The following SPATA21 variants were observed in gnomAD, a reference collection of about 807,000 sequenced individuals.
SPATA21 encodes the protein spermatogenesis-associated protein 21.
SPATA21 carries 47 observed loss-of-function variants against 54.8 expected under a neutral mutation model. The ratio of observed to expected loss-of-function variants is 0.86; its 90% CI spans 0.68 to 1.09. The LOEUF is 1.09. Ranked by LOEUF, SPATA21 falls within the 50% of genes least tolerant of loss-of-function variation. The pLI, the probability that SPATA21 is intolerant of heterozygous loss-of-function variation, is 0.00. For synonymous variants in SPATA21, 245 were observed against 235.3 expected (o/e 1.04, Z -0.38); for missense variants, 599 against 596.4 (o/e 1.00, Z -0.05).
Position 16,414,893 on chromosome 1 carries a change from C to CAAAAAAAAAA in SPATA21, c.145-4860_145-4851dup, listed in dbSNP as rs528947922. 5.9e-4 allele frequency among the ~76,000 whole-genome samples: 44 copies of CAAAAAAAAAA among 74,304 alleles called. 1 individual carries two copies. Among genetic ancestry groups the CAAAAAAAAAA allele is most frequent in the African/African-American group, 1.0e-3 (18 of 17,744 alleles). The allele number at this position is 74,304 out of a possible 152,430, so 48.7% of individuals were successfully genotyped here. A position where few individuals can be genotyped will look rare whatever the true frequency, so the allele number is the denominator to read the frequency against. On this transcript the variant is annotated intron_variant, in intron 5 of 12. Coordinates refer to ENST00000335496, the MANE Select transcript of SPATA21 (RefSeq NM_198546.1). ...GGGCAACAAGAGCGAAACCTCATCT[C>CAAAAAAAAAA]AAAAAAAAAAAAAAAAAAAGATTCT...
intron 10 of SPATA21, among the ~76,000 whole-genome samples, chr1:16,403,277 G>C (rs1185153482): frequency 2.6e-5 from 4 of 152,090 alleles, no homozygotes; most frequent in African/African-American, 9.7e-5. Context: ...GAGGGTGTAA[G>C]CATGGGGCCG....
intron 10 of SPATA21, among the ~76,000 whole-genome samples, chr1:16,403,147 C>T (rs2085506423): frequency 6.6e-6 from 1 of 152,172 alleles, no homozygotes; most frequent in African/African-American, 2.4e-5. Context: ...CCTACCCACC[C>T]ACCTGCCCTG....
intron 7 of SPATA21, chr1:16,408,456 A>G (rs1231552861): frequency 1.6e-5 from 16 of 985,394 alleles, no homozygotes; most frequent in Non-Finnish European, 1.9e-5. Context: ...GAGGACCAAT[A>G]GAGCAGGCTT....
At position 16,400,024 on chromosome 1, in the gene SPATA21, T is replaced by G. The variant is rs114631134; in HGVS notation, c.1175-503A>C. Among the ~76,000 whole-genome samples the G allele has an allele frequency of 7.6e-3, 1,161 of 151,804 alleles. 17 individuals are homozygous for G. The highest frequency in any genetic ancestry group is 0.027 in the African/African-American group (1,117 of 41,228). On this transcript the variant is annotated intron_variant, in intron 11 of 12. Coordinates refer to ENST00000335496, the MANE Select transcript of SPATA21 (RefSeq NM_198546.1). ...GGCAAATTGCTGAACTTTATCAGTT[T>G]CATTTTTGTTTTTTTTTTTGAGACA...
At chr1:16,408,560 G>A (rs1020792466) in intron 7 of SPATA21, 77 of 983,992 alleles carry the variant, frequency 7.8e-5, no homozygotes, top group African/African-American at 1.0e-4. Flanking sequence ...CAGGGAGAGC[G>A]CTGGACTTCG....
chr1:16,425,441 G>C (rs750514285), intron 3 of SPATA21: 8 of 1,392,156 alleles, frequency 5.7e-6, no homozygotes, highest in African/African-American at 1.4e-5. Flanking sequence ...GCACCAGAAT[G>C]GGGGGCATGA....
chr1:16,405,200 A>G, intron 7 of SPATA21, 96 bp from the exon 8 acceptor site: 2 of 1,500,876 alleles, frequency 1.3e-6, no homozygotes, highest in East Asian at 2.5e-5. Context: ...CTCCTCCACC[A>G]TCAAAAGTGA....
intron 5 of SPATA21, among the ~76,000 whole-genome samples, chr1:16,415,875 T>G (rs1289046219): frequency 6.6e-6 from 1 of 152,136 alleles, no homozygotes; most frequent in African/African-American, 2.4e-5. Flanking sequence ...TCCTATTATT[T>G]CAGGATCCAG....
chr1:16,427,521 C>CT (rs1275334533), intron 3 of SPATA21, among the ~76,000 whole-genome samples: 1 of 151,944 alleles, frequency 6.6e-6, no homozygotes, highest in Non-Finnish European at 1.5e-5. Flanking sequence ...GTCTCCTAAC[C>CT]TTTTTTTGTT....
rs529891290 is a variant in SPATA21 at position 16,415,199 on chromosome 1, T to C, written c.145-5156A>G. On this transcript the variant is annotated intron_variant, in intron 5 of 12. Transcript: ENST00000335496. ...AGAAAATACAAAAATTAGCCAGGCA[T>C]GATGGCTCGCGCCTGTACTATCAGC... Among the ~76,000 whole-genome samples the C allele has an allele frequency of 2.4e-4, 37 of 152,258 alleles. No homozygotes were observed. The East Asian group carries it at 7.0e-3, about 29-fold the overall frequency.
At position 16,403,805 on chromosome 1, in the gene SPATA21, T is replaced by TG; in HGVS notation, c.922dup (p.His308ProfsTer6). 3.1e-6 allele frequency: 5 copies of TG among 1,611,070 alleles called. No individual in the cohort carries two copies. Among genetic ancestry groups the TG allele is most frequent in the Non-Finnish European group, 4.2e-6 (5 of 1,178,654 alleles). ...GGACAGGATCTCAAAGAGTAGAGTG[T>TG]GGGGGTTGTGGGGAGCCATGTCCGA... On this transcript the variant is annotated frameshift_variant, in exon 10 of 13. Coordinates refer to ENST00000335496, the MANE Select transcript of SPATA21 (RefSeq NM_198546.1). LOFTEE classifies it high-confidence loss of function.
chr1:16,415,949 A>G (rs1163859651), intron 5 of SPATA21, among the ~76,000 whole-genome samples: 1 of 152,054 alleles, frequency 6.6e-6, no homozygotes, highest in Non-Finnish European at 1.5e-5. Flanking sequence ...AGGCCCTGAC[A>G]TCTTTCCCTC....
chr1:16,421,689 G>T lies in SPATA21; in HGVS notation c.96-132C>A. 4 of 1,120,500 alleles carry T rather than the reference G, an allele frequency of 3.6e-6. No homozygotes were observed. The highest frequency in any genetic ancestry group is 5.1e-6 in the Non-Finnish European group (4 of 777,900). 69.4% of individuals were successfully genotyped at this position (1,120,500 alleles called of 1,614,324 possible). ...CCCCTTGGCCTTCTCATCTCAGGGG[G>T]CTCCTTATGTCCCCACATCCTCATA... On this transcript the variant is annotated intron_variant, in intron 4 of 12. Transcript: ENST00000335496. The surrounding 1 kb of genome is among the most constrained non-coding windows in gnomAD (Gnocchi z 5.2).
rs1158096486 is a variant in SPATA21 at position 16,410,021 on chromosome 1, C to T, written c.167G>A (p.Arg56Lys). ...CTGCTGCGCACGGTCTGGCTCCCGCCTCTCTCCAATGTCCCTCACCTCCTG... is the reference window on the plus strand; with the variant it reads ...CTGCTGCGCACGGTCTGGCTCCCGCTTCTCTCCAATGTCCCTCACCTCCTG... ...PPPEVRDIGERREPDRAQQQP... is the reference protein window; with the variant it reads ...PPPEVRDIGEKREPDRAQQQP... Residue 56 changes from arginine (R) to lysine (K), a missense_variant, in exon 6 of 13, where the codon AGG becomes AAG. Arg to Lys is a conservative substitution (Grantham distance 26). Coordinates refer to ENST00000335496, the MANE Select transcript of SPATA21 (RefSeq NM_198546.1). 1 of 1,574,188 alleles carries T rather than the reference C, an allele frequency of 6.4e-7. No individual in the cohort carries two copies. Among genetic ancestry groups the T allele is most frequent in the East Asian group, 2.2e-5 (1 of 44,712 alleles).
At chr1:16,402,819 G>A (rs1047766097) in intron 10 of SPATA21, among the ~76,000 whole-genome samples, 1 of 152,162 alleles carries the variant, frequency 6.6e-6, no homozygotes, top group Non-Finnish European at 1.5e-5. Flanking sequence ...CCAGCTACTC[G>A]GGAAACTGAG....
At chr1:16,417,144 G>T (rs1304473805) in intron 5 of SPATA21, among the ~76,000 whole-genome samples, 1 of 152,184 alleles carries the variant, frequency 6.6e-6, no homozygotes, top group African/African-American at 2.4e-5. Context: ...TATCCAATAT[G>T]CTTGTCCCAC....
chr1:16,404,917 A>T (rs1345592313), intron 8 of SPATA21, 50 bp downstream of exon 8: 24 of 1,510,364 alleles, frequency 1.6e-5, no homozygotes, highest in Non-Finnish European at 2.1e-5. Context: ...GTTTCAAGCC[A>T]GTGAAGCAGG....
intron 10 of SPATA21, among the ~76,000 whole-genome samples, chr1:16,401,325 C>A (rs955274485): frequency 1.3e-5 from 2 of 152,172 alleles, no homozygotes; most frequent in Non-Finnish European, 2.9e-5. Flanking sequence ...GACAGAGTCT[C>A]ACTCTGTTAC....
At chr1:16,433,546 C>T (rs968138449) in intron 1 of SPATA21, among the ~76,000 whole-genome samples, 1 of 152,216 alleles carries the variant, frequency 6.6e-6, no homozygotes, top group Non-Finnish European at 1.5e-5. Flanking sequence ...CCCCTACGCC[C>T]CTCAAACACA....
Sources: allele counts gnomAD v4.1 joint callset (sites outside exome capture counted in the v4.1 genomes callset), GRCh38; gene constraint gnomAD v4.1.1; non-coding constraint Gnocchi (gnomAD v3.1); transcripts MANE v1.5; gene names NCBI Gene and HGNC (gene_info 2026-07-23, HGNC 2026-07-21).